Variants in GMDS observed in about 807,000 individuals in gnomAD.
GMDS encodes the protein GDP-mannose 4,6-dehydratase, also known as GDP-mannose 4,6 dehydratase.
In GMDS, 20 loss-of-function variants were observed where a neutral mutation model predicts 49.9. The observed-to-expected ratio is 0.40, with a 90% CI of 0.28 to 0.58. The LOEUF (loss-of-function observed/expected upper bound fraction) is 0.58. GMDS is among the 20% of genes least tolerant of loss of function. The pLI is 0.42. For synonymous variants in GMDS, 177 were observed against 178.6 expected (o/e 0.99, Z 0.07); for missense variants, 362 against 481.4 (o/e 0.75, Z 2.32).
chr6:1,935,726 C>T, intron 6 of GMDS, among the ~76,000 whole-genome samples: 1 of 152,138 alleles, frequency 6.6e-6, no homozygotes, highest in East Asian at 1.9e-4. Context: ...CCGAGAACAA[C>T]TAATAAGGTT....
rs75448121 is a variant in GMDS, at chr6:1,664,496, A to G, written c.988-39956T>C. ...TTCTCCTTAGAGAGGCGTGAGATGA[A>G]TGAGTGTCCTGTTCTCCCTAGAGTC... On this transcript the variant is annotated intron_variant, in intron 9 of 10. Coordinates refer to ENST00000380815, the MANE Select transcript of GMDS (RefSeq NM_001500.4). Among the ~76,000 whole-genome samples, 1,465 of 152,318 alleles carry G rather than the reference A, an allele frequency of 9.6e-3. 17 individuals carry two copies. Among genetic ancestry groups the G allele is most frequent in the Non-Finnish European group, 0.011 (739 of 68,040 alleles).
chr6:1,933,551 T>C (rs1762390468), intron 6 of GMDS, among the ~76,000 whole-genome samples: 1 of 152,326 alleles, frequency 6.6e-6, no homozygotes, highest in South Asian at 2.1e-4. Context: ...TGTTAAACTG[T>C]AGTCATGCTA....
chr6:2,071,802 C>A (rs980214215), intron 4 of GMDS, among the ~76,000 whole-genome samples: 1 of 152,124 alleles, frequency 6.6e-6, no homozygotes, highest in Admixed American at 6.6e-5. Flanking sequence ...ATTGCGAAGA[C>A]TGAATACCAA....
At chr6:1,869,110 T>G (rs557993707) in intron 7 of GMDS, among the ~76,000 whole-genome samples, 7 of 152,334 alleles carry the variant, frequency 4.6e-5, no homozygotes, top group African/African-American at 1.7e-4. Context: ...ATGAGGCAAC[T>G]GCAGCAGGAA....
chr6:1,811,733 A>C (rs1198472257), intron 7 of GMDS, among the ~76,000 whole-genome samples: 1 of 152,008 alleles, frequency 6.6e-6, no homozygotes, highest in Non-Finnish European at 1.5e-5. Flanking sequence ...CACAGTAGGC[A>C]CTCCACGTTT....
At chr6:1,971,385 T>C (rs1414475033) in intron 4 of GMDS, among the ~76,000 whole-genome samples, 2 of 152,210 alleles carry the variant, frequency 1.3e-5, no homozygotes, top group Non-Finnish European at 2.9e-5. Context: ...TCTGTTGCAA[T>C]TATATTTTTC....
rs1168120970 is a variant in GMDS, at chr6:1,766,408, C to T, written c.772-23822G>A. 2.0e-5 allele frequency among the ~76,000 whole-genome samples: 3 copies of T among 152,150 alleles called. No individual in the cohort carries two copies. Among genetic ancestry groups the T allele is most frequent in the Non-Finnish European group, 4.4e-5 (3 of 68,050 alleles). ...ACACCTTCCGTCTCCCGGGCCAGGTCTCTTTGTAGGCCACCACGGAGAGAG... is the reference window on the plus strand; with the variant it reads ...ACACCTTCCGTCTCCCGGGCCAGGTTTCTTTGTAGGCCACCACGGAGAGAG... On this transcript the variant is annotated intron_variant, in intron 7 of 10. Coordinates refer to ENST00000380815, the MANE Select transcript of GMDS (RefSeq NM_001500.4). This position sits in a 1 kb window ranked among gnomAD's most constrained non-coding sequence, Gnocchi z 4.5.
chr6:1,976,697 C>T (rs969858053), intron 4 of GMDS, among the ~76,000 whole-genome samples: 9 of 152,116 alleles, frequency 5.9e-5, no homozygotes, highest in African/African-American at 2.2e-4. Context: ...ATTAATACTT[C>T]TGGTATTAAT....
intron 4 of GMDS, among the ~76,000 whole-genome samples, chr6:1,992,898 A>G (rs984298955): frequency 1.3e-5 from 2 of 152,188 alleles, no homozygotes; most frequent in South Asian, 2.1e-4. Context: ...TGGTATTCCA[A>G]TGACCAGCTC....
intron 4 of GMDS, among the ~76,000 whole-genome samples, chr6:1,973,499 T>A (rs1056857172): frequency 6.6e-6 from 1 of 152,078 alleles, no homozygotes; most frequent in East Asian, 1.9e-4. Flanking sequence ...TTAAAAATAT[T>A]TGTTGGAAGA....
At chr6:1,919,602 G>A (rs1432098064) in intron 7 of GMDS, among the ~76,000 whole-genome samples, 2 of 152,106 alleles carry the variant, frequency 1.3e-5, no homozygotes, top group South Asian at 2.1e-4. Flanking sequence ...TCTGTTTGGG[G>A]CATATGCAGC....
intron 7 of GMDS, among the ~76,000 whole-genome samples, chr6:1,869,301 G>A (rs1758603659): frequency 6.6e-6 from 1 of 152,104 alleles, no homozygotes; most frequent in Non-Finnish European, 1.5e-5. Flanking sequence ...TTTTTTAATA[G>A]CGTTCCTAAA....
chr6:1,830,521 G>GT (rs1739215998), intron 7 of GMDS, among the ~76,000 whole-genome samples: 1 of 152,308 alleles, frequency 6.6e-6, no homozygotes, highest in East Asian at 1.9e-4. Flanking sequence ...GGGGTTCAAT[G>GT]TATGTTAAGA....
chr6:2,074,849 T>C (rs758633094), intron 4 of GMDS, among the ~76,000 whole-genome samples: 2 of 152,120 alleles, frequency 1.3e-5, no homozygotes, highest in Admixed American at 6.5e-5. Context: ...TCCAGTTTCA[T>C]TCTTCTGCAT....
intron 4 of GMDS, among the ~76,000 whole-genome samples, chr6:2,025,856 A>C (rs1337918887): frequency 6.6e-6 from 1 of 152,136 alleles, no homozygotes; most frequent in Non-Finnish European, 1.5e-5. Context: ...TGCCTGAATA[A>C]TCAGCTCTGT....
chr6:1,630,819 T>C (rs547359106), intron 9 of GMDS, among the ~76,000 whole-genome samples: 2 of 152,308 alleles, frequency 1.3e-5, no homozygotes, highest in African/African-American at 4.8e-5. Context: ...GATTAATGAC[T>C]GTAACTAGAG....
chr6:1,930,302 CG>C, intron 6 of GMDS, 72 bp from the exon 7 acceptor site: 1 of 1,272,018 alleles, frequency 7.9e-7, no homozygotes, highest in Non-Finnish European at 1.1e-6. Flanking sequence ...GAACCAAACC[CG>C]ATTTCGGCCT....
chr6:1,701,076 T>C (rs1167488281), intron 9 of GMDS, among the ~76,000 whole-genome samples: 2 of 152,196 alleles, frequency 1.3e-5, no homozygotes, highest in South Asian at 4.1e-4. Flanking sequence ...AATGACTAGA[T>C]ACCCGCCTCC....
At chr6:1,756,606 G>T (rs1361403947) in intron 7 of GMDS, among the ~76,000 whole-genome samples, 1 of 152,142 alleles carries the variant, frequency 6.6e-6, no homozygotes, top group Non-Finnish European at 1.5e-5. Flanking sequence ...GATTCAGTGT[G>T]CAGGAACTCA....
Sources: allele counts gnomAD v4.1 joint callset (sites outside exome capture counted in the v4.1 genomes callset), GRCh38; gene constraint gnomAD v4.1.1; non-coding constraint Gnocchi (gnomAD v3.1); transcripts MANE v1.5; gene names NCBI Gene and HGNC (gene_info 2026-07-23, HGNC 2026-07-21).